Variants in TLE4 observed in about 807,000 individuals in gnomAD.
TLE4 encodes TLE family member 4, transcriptional corepressor, also known as transducin-like enhancer protein 4.
Under a neutral mutation model 92.8 loss-of-function variants are expected in TLE4, and 8 were observed. The observed-to-expected ratio is 0.09, with a 90% CI of 0.05 to 0.16. The LOEUF (loss-of-function observed/expected upper bound fraction) is 0.16, where lower values mean the gene tolerates loss of function less well. Among genes scored for constraint, TLE4 ranks in the 10% least tolerant of loss-of-function variants. The pLI is 1.00. For missense variants in TLE4, 675 were observed against 997.6 expected, an observed-to-expected ratio of 0.68 and a Z score of 4.36; for synonymous variants, 371 against 374.1, an observed-to-expected ratio of 0.99 and a Z score of 0.10.
chr9:79,601,916 G>A (rs1465648051), intron 4 of TLE4, among the ~76,000 whole-genome samples: 1 of 152,118 alleles, frequency 6.6e-6, no homozygotes, highest in East Asian at 1.9e-4. Context: ...ATAAATGCAA[G>A]TAAAAAGAAG....
chr9:79,654,865 C>T (rs868643113), intron 8 of TLE4, among the ~76,000 whole-genome samples: 4 of 152,076 alleles, frequency 2.6e-5, no homozygotes, highest in Non-Finnish European at 4.4e-5. Context: ...CATTGTAGGC[C>T]GGGCTTGGTG....
intron 6 of TLE4, among the ~76,000 whole-genome samples, chr9:79,650,128 C>T (rs1473104797): frequency 6.6e-6 from 1 of 152,016 alleles, no homozygotes. Context: ...GTTGCCCAGG[C>T]TGGTCTCAAA....
At chr9:79,693,280 C>G (rs902099280) in intron 8 of TLE4, among the ~76,000 whole-genome samples, 6 of 152,072 alleles carry the variant, frequency 3.9e-5, no homozygotes, top group Admixed American at 3.9e-4. Context: ...ATTGAAAACC[C>G]TTAGGCAGAA....
intron 6 of TLE4, among the ~76,000 whole-genome samples, chr9:79,631,616 A>ATATGTGTG (rs775644348): frequency 3.4e-5 from 4 of 118,162 alleles, no homozygotes; most frequent in Admixed American, 8.9e-5. Context: ...TGAACCTTAA[A>ATATGTGTG]TGTGTGTGTG....
chr9:79,718,588 G>C, intron 14 of TLE4, 134 bp from the exon 15 acceptor site: 1 of 1,313,504 alleles, frequency 7.6e-7, no homozygotes, highest in Non-Finnish European at 1.0e-6. Flanking sequence ...TCTTTACACT[G>C]TATGGACAAA....
intron 10 of TLE4, 67 bp downstream of exon 10, chr9:79,706,009 A>C: frequency 7.2e-7 from 1 of 1,387,560 alleles, no homozygotes; most frequent in Non-Finnish European, 1.0e-6. Context: ...TGCCCAAACA[A>C]TTAGTATCCA....
intron 6 of TLE4, among the ~76,000 whole-genome samples, chr9:79,628,083 T>G (rs2053131594): frequency 6.6e-6 from 1 of 151,654 alleles, no homozygotes; most frequent in Admixed American, 6.6e-5. Context: ...ATATGTATGT[T>G]TTTTTTTTCT....
At chr9:79,690,210 G>A (rs2066760714) in intron 8 of TLE4, among the ~76,000 whole-genome samples, 2 of 152,050 alleles carry the variant, frequency 1.3e-5, no homozygotes, top group African/African-American at 4.8e-5. Context: ...TGCAGATTTG[G>A]GTCCTAGTAA....
chr9:79,581,363 T>C (rs1254244246), intron 4 of TLE4, among the ~76,000 whole-genome samples: 3 of 152,132 alleles, frequency 2.0e-5, no homozygotes, highest in Admixed American at 2.0e-4. Context: ...CCTGTTACAG[T>C]GTGTGTATGT....
chr9:79,665,444 TTCC>T (rs2061238940), intron 8 of TLE4, among the ~76,000 whole-genome samples: 1 of 152,200 alleles, frequency 6.6e-6, no homozygotes, highest in Non-Finnish European at 1.5e-5. Flanking sequence ...TAATGGATCG[TTCC>T]TCTTCATTTC....
intron 4 of TLE4, among the ~76,000 whole-genome samples, chr9:79,595,216 A>G (rs1333000819): frequency 1.3e-5 from 2 of 152,218 alleles, no homozygotes; most frequent in Non-Finnish European, 2.9e-5. Context: ...TTGGAAGAAC[A>G]TACCTATCAC....
chr9:79,620,644 G>A (rs552717858), intron 5 of TLE4, among the ~76,000 whole-genome samples: 6 of 152,306 alleles, frequency 3.9e-5, no homozygotes, highest in South Asian at 2.1e-4. Flanking sequence ...GTTTGTGTAC[G>A]TGTATGTATG....
rs113258450 is a variant in TLE4, at chr9:79,675,954, G to A, written c.609+21879G>A. On this transcript the variant is annotated intron_variant, in intron 8 of 19. Transcript: ENST00000376552. ...TGCGCAATGAACATTTCCCTTGAGCGTCAGGTTGGTGCTCCAAAAGTTTTG... is the reference window on the plus strand; with the variant it reads ...TGCGCAATGAACATTTCCCTTGAGCATCAGGTTGGTGCTCCAAAAGTTTTG... 2.6e-3 allele frequency among the ~76,000 whole-genome samples: 389 copies of A among 152,194 alleles called. 1 individual carries two copies. The highest frequency in any genetic ancestry group is 8.9e-3 in the African/African-American group (370 of 41,534).
intron 8 of TLE4, among the ~76,000 whole-genome samples, chr9:79,665,533 C>T (rs1190687072): frequency 6.6e-6 from 1 of 152,210 alleles, no homozygotes; most frequent in Non-Finnish European, 1.5e-5. Flanking sequence ...AGGACTAGCT[C>T]TGAAGGCAGT....
At chr9:79,715,827 T>C (rs1015934358) in intron 14 of TLE4, among the ~76,000 whole-genome samples, 3 of 152,128 alleles carry the variant, frequency 2.0e-5, no homozygotes, top group African/African-American at 7.2e-5. Context: ...TTCAGTTACC[T>C]GTATTTACAG....
intron 8 of TLE4, among the ~76,000 whole-genome samples, chr9:79,690,260 A>G (rs1341635231): frequency 6.6e-6 from 1 of 152,142 alleles, no homozygotes; most frequent in East Asian, 1.9e-4. Context: ...TACCCCTCCC[A>G]TAGGAAGTGT....
intron 5 of TLE4, among the ~76,000 whole-genome samples, chr9:79,622,499 C>A (rs570035443): frequency 1.1e-4 from 16 of 149,914 alleles, no homozygotes; most frequent in African/African-American, 3.6e-4. Context: ...AGGGAATCTT[C>A]CCCTAGCCCC....
intron 6 of TLE4, among the ~76,000 whole-genome samples, chr9:79,629,416 C>T (rs968893275): frequency 4.0e-5 from 6 of 151,690 alleles, no homozygotes; most frequent in African/African-American, 1.2e-4. Context: ...ATGGAATGGC[C>T]GATTGCCTTT....
At chr9:79,616,998 T>C (rs2049801114) in intron 5 of TLE4, among the ~76,000 whole-genome samples, 1 of 152,196 alleles carries the variant, frequency 6.6e-6, no homozygotes, top group Admixed American at 6.5e-5. Flanking sequence ...AGACTTGGCA[T>C]AGGGAGTGCC....
Sources: gnomAD v4.1 joint callset for allele counts (sites outside exome capture counted in the v4.1 genomes callset) on GRCh38, gnomAD v4.1.1 for gene constraint, MANE v1.5 for transcripts, NCBI Gene and HGNC (gene_info 2026-07-23, HGNC 2026-07-21) for gene names.